NRXN1: variants seen among roughly 807,000 people sequenced by gnomAD.
NRXN1 encodes the protein neurexin 1.
Under a neutral mutation model 150.9 loss-of-function variants are expected in NRXN1, and 39 were observed. The observed-to-expected ratio is 0.26, with a 90% confidence interval of 0.20 to 0.34. NRXN1 has a LOEUF of 0.34. Ranked by LOEUF, NRXN1 falls within the 10% of genes least tolerant of loss-of-function variation. The probability of loss-of-function intolerance (pLI) is 1.00; values close to 1 mark genes in which losing one functional copy is unlikely to be tolerated. For synonymous variants in NRXN1, 924 were observed against 757.0 expected (o/e 1.22, Z -3.62); for missense variants, 1,815 against 1,949.9 (o/e 0.93, Z 1.30).
chr2:50,100,068 C>T (rs1169658815), intron 18 of NRXN1, among the ~76,000 whole-genome samples: 3 of 152,038 alleles, frequency 2.0e-5, no homozygotes, highest in Non-Finnish European at 2.9e-5. Context: ...ATTTGAGTCT[C>T]TCTTAGATTT....
chr2:50,633,048 C>T (rs1682621582), intron 5 of NRXN1: 1 of 152,070 alleles, frequency 6.6e-6, no homozygotes, highest in South Asian at 2.1e-4. Flanking sequence ...CTGGTATATT[C>T]TAACAAGTCA....
chr2:50,686,518 T>C (rs1691254366), intron 5 of NRXN1, among the ~76,000 whole-genome samples: 1 of 152,292 alleles, frequency 6.6e-6, no homozygotes, highest in East Asian at 1.9e-4. Context: ...CTTCTGCCCA[T>C]CTGCAAAAAC....
At chr2:50,376,413 A>T (rs2080500847) in intron 17 of NRXN1, among the ~76,000 whole-genome samples, 3 of 152,054 alleles carry the variant, frequency 2.0e-5, no homozygotes, top group African/African-American at 7.2e-5. Flanking sequence ...CTCCCAAAAC[A>T]TATCCCTTAA....
chr2:50,911,463 ACT>A (rs1224144306), intron 5 of NRXN1, among the ~76,000 whole-genome samples: 1 of 151,758 alleles, frequency 6.6e-6, no homozygotes, highest in Admixed American at 6.6e-5. Flanking sequence ...TAATAAGAAT[ACT>A]GTCTATTATT....
chr2:50,847,631 C>T (rs997944200), intron 5 of NRXN1, among the ~76,000 whole-genome samples: 1 of 152,166 alleles, frequency 6.6e-6, no homozygotes, highest in Non-Finnish European at 1.5e-5. Flanking sequence ...CCCTAGCAGG[C>T]CAACACACAG....
chr2:50,277,814 T>C (rs2070757073), intron 17 of NRXN1, among the ~76,000 whole-genome samples: 1 of 152,028 alleles, frequency 6.6e-6, no homozygotes. Flanking sequence ...CACCCATCTT[T>C]ATTTTTCTGC....
chr2:50,128,980 T>C (rs1705043574), intron 18 of NRXN1, among the ~76,000 whole-genome samples: 1 of 124,436 alleles, frequency 8.0e-6, no homozygotes. Context: ...TGAGACTCCA[T>C]CTCAATAAAT....
At chr2:49,976,219 G>C (rs1487691013) in intron 21 of NRXN1, among the ~76,000 whole-genome samples, 1 of 150,340 alleles carries the variant, frequency 6.7e-6, no homozygotes. Context: ...TTTTAGTAGA[G>C]ATGGGGTTAC....
chr2:50,552,924 C>T lies in NRXN1; in HGVS notation c.1422G>A (p.Glu474=), dbSNP rs757398519. 2 of 1,613,864 alleles carry T rather than the reference C, an allele frequency of 1.2e-6. No homozygotes were observed. Among genetic ancestry groups the T allele is most frequent in the Non-Finnish European group, 1.7e-6 (2 of 1,179,780 alleles). ...TGATTGGGTCTAAAGTTGCAACATT[C>T]TCACATTTAAATGCCACCACTCCAT... is the stretch of plus-strand genomic sequence containing the variant. ...KIHGVVAFKC[E]NVATLDPITF... is the part of the protein sequence containing the mutation. The change falls in exon 9 of 23, where the codon GAG becomes GAA. Residue 474 remains glutamate (E), a synonymous_variant. Coordinates refer to ENST00000401669, the MANE Select transcript of NRXN1 (RefSeq NM_001330078.2).
chr2:50,907,185 C>CA (rs1574894936), intron 5 of NRXN1, among the ~76,000 whole-genome samples: 1 of 148,652 alleles, frequency 6.7e-6, no homozygotes, highest in Non-Finnish European at 1.5e-5. Flanking sequence ...AACCAAAAAA[C>CA]CAAAAAAAAA....
chr2:50,585,649 T>C lies in NRXN1; in HGVS notation c.1321-32624A>G, dbSNP rs192418862. ...CAATGCACTTTATAAATAGAGGCTATTGAAAATAAAGCAATCAAAATTTTC... is the reference window on the plus strand; with the variant it reads ...CAATGCACTTTATAAATAGAGGCTACTGAAAATAAAGCAATCAAAATTTTC... On this transcript the variant is annotated intron_variant, in intron 8 of 22. Coordinates refer to ENST00000401669, the MANE Select transcript of NRXN1 (RefSeq NM_001330078.2). Among the ~76,000 whole-genome samples the C allele has an allele frequency of 3.0e-3, 450 of 152,284 alleles. 1 individual carries two copies. The highest frequency in any genetic ancestry group is 5.0e-3 in the Non-Finnish European group (341 of 68,014).
At chr2:50,734,726 A>T (rs768085801) in intron 5 of NRXN1, among the ~76,000 whole-genome samples, 7 of 152,042 alleles carry the variant, frequency 4.6e-5, no homozygotes, top group Non-Finnish European at 8.8e-5. Context: ...AAAAAAAAAT[A>T]AAGCAAACAT....
chr2:50,177,940 C>T (rs956610980), intron 18 of NRXN1, among the ~76,000 whole-genome samples: 6 of 151,898 alleles, frequency 4.0e-5, no homozygotes, highest in African/African-American at 9.7e-5. Context: ...GAGTGACAAC[C>T]TCAAGAGACA....
intron 12 of NRXN1, among the ~76,000 whole-genome samples, chr2:50,521,581 A>T (rs994831959): frequency 1.3e-5 from 2 of 152,342 alleles, no homozygotes; most frequent in East Asian, 3.9e-4. Context: ...AAAACATTTC[A>T]ATCTCCAAAT....
At chr2:50,479,773 T>C (rs959318671) in intron 15 of NRXN1, among the ~76,000 whole-genome samples, 4 of 127,506 alleles carry the variant, frequency 3.1e-5, no homozygotes, top group Admixed American at 2.3e-4. Context: ...TTTTCTTTTT[T>C]TTTTTTTTTT....
intron 8 of NRXN1, among the ~76,000 whole-genome samples, chr2:50,570,918 G>A (rs1319714483): frequency 6.6e-6 from 1 of 152,098 alleles, no homozygotes; most frequent in Non-Finnish European, 1.5e-5. Flanking sequence ...CTTACCCTAT[G>A]CTAGATAGAT....
At chr2:50,582,478 C>CAAAA (rs56941425) in intron 8 of NRXN1, among the ~76,000 whole-genome samples, 990 of 44,254 alleles carry the variant, frequency 0.022, 62 homozygotes, top group Middle Eastern at 0.045. Context: ...GACTCGTCTC[C>CAAAA]AAAAAAAAAA....
At chr2:50,408,616 C>T (rs768497269) in intron 17 of NRXN1, among the ~76,000 whole-genome samples, 4 of 152,128 alleles carry the variant, frequency 2.6e-5, no homozygotes, top group East Asian at 1.9e-4. Flanking sequence ...CTCCAAATTT[C>T]GAGGTCCCCC....
intron 5 of NRXN1, among the ~76,000 whole-genome samples, chr2:50,778,561 G>A (rs1703953280): frequency 6.6e-6 from 1 of 152,162 alleles, no homozygotes; most frequent in African/African-American, 2.4e-5. Context: ...ACAAAAGGAA[G>A]GTGGCAGGAT....
Sources: allele counts gnomAD v4.1 joint callset (sites outside exome capture counted in the v4.1 genomes callset), GRCh38; gene constraint gnomAD v4.1.1; transcripts MANE v1.5; gene names NCBI Gene and HGNC (gene_info 2026-07-23, HGNC 2026-07-21).